NCAM2: variants seen among roughly 807,000 people sequenced by gnomAD.
The protein encoded by NCAM2 is neural cell adhesion molecule 2.
A neutral mutation model predicts 98.1 loss-of-function variants in NCAM2; 30 were observed. That is an observed-to-expected ratio of 0.31 (90% confidence interval 0.23 to 0.41). The LOEUF (loss-of-function observed/expected upper bound fraction) is 0.41, where lower values mean the gene tolerates loss of function less well. Among genes scored for constraint, NCAM2 ranks in the 10% least tolerant of loss-of-function variants. The pLI is 1.00. For missense variants in NCAM2, 867 were observed against 1,005.8 expected (o/e 0.86, Z 1.87); for synonymous variants, 368 against 342.4 (o/e 1.07, Z -0.83).
At chr21:21,416,566 G>T (rs374062443) in intron 10 of NCAM2, among the ~76,000 whole-genome samples, 1 of 151,638 alleles carries the variant, frequency 6.6e-6, no homozygotes, top group East Asian at 1.9e-4. Context: ...AATAAAACAG[G>T]TATGCCTATA....
intron 1 of NCAM2, among the ~76,000 whole-genome samples, chr21:21,251,331 C>A (rs1040561458): frequency 1.3e-5 from 2 of 151,554 alleles, no homozygotes; most frequent in African/African-American, 4.8e-5. Context: ...TTGCCCCCCA[C>A]CCCCTGTGTT....
chr21:21,326,009 G>A (rs2074501395), intron 6 of NCAM2, among the ~76,000 whole-genome samples: 1 of 152,132 alleles, frequency 6.6e-6, no homozygotes, highest in African/African-American at 2.4e-5. Context: ...TAATTTTCCA[G>A]TCATTCATTA....
rs9306010 is a variant in NCAM2, at chr21:21,227,979, G to A, written c.56-52599G>A. On this transcript the variant is annotated intron_variant, in intron 1 of 17. Transcript: ENST00000400546. ...GATTTCATAAAATTTAAAAATTCCT[G>A]TGAGATGAGAAAAATGATAAAAGCT... Among the ~76,000 whole-genome samples, 656 of 151,718 alleles carry A rather than the reference G, an allele frequency of 4.3e-3. 4 individuals are homozygous for A. The highest frequency in any genetic ancestry group is 0.015 in the African/African-American group (642 of 41,482).
intron 8 of NCAM2, among the ~76,000 whole-genome samples, chr21:21,368,686 A>G (rs1171722372): frequency 1.3e-5 from 2 of 151,790 alleles, no homozygotes; most frequent in Non-Finnish European, 2.9e-5. Flanking sequence ...TAATTCTAAT[A>G]ACAAGGGCTT....
rs75138938 is a variant in NCAM2, at chr21:21,507,964, C to T, written c.2078-887C>T. On this transcript the variant is annotated intron_variant, in intron 15 of 17. Transcript: ENST00000400546. ...TTTCTGATCCATATTGTTATAGCTG[C>T]GGAGTCTACCCTCAGATTCTACTAC... 7.7e-3 allele frequency among the ~76,000 whole-genome samples: 1,166 copies of T among 152,154 alleles called. 17 individuals are homozygous for T. The highest frequency in any genetic ancestry group is 0.027 in the African/African-American group (1,118 of 41,518).
At chr21:21,418,821 G>A (rs1246680116) in intron 11 of NCAM2, among the ~76,000 whole-genome samples, 2 of 151,990 alleles carry the variant, frequency 1.3e-5, no homozygotes, top group African/African-American at 4.8e-5. Flanking sequence ...GGTACGGTAG[G>A]GCTATAATAG....
chr21:21,267,920 A>T (rs567543869), intron 1 of NCAM2, among the ~76,000 whole-genome samples: 17 of 152,272 alleles, frequency 1.1e-4, no homozygotes, highest in Middle Eastern at 3.4e-3. Context: ...TTGGTTTAAT[A>T]TACCTTCCTG....
At chr21:21,137,456 T>C (rs748054462) in intron 1 of NCAM2, among the ~76,000 whole-genome samples, 7 of 152,128 alleles carry the variant, frequency 4.6e-5, no homozygotes, top group Non-Finnish European at 8.8e-5. Context: ...ATAAAAAATG[T>C]TGGCCGGGTG....
At chr21:21,165,717 A>G (rs1156402) in intron 1 of NCAM2, among the ~76,000 whole-genome samples, 49,309 of 152,144 alleles carry the variant, frequency 0.32, 9,272 homozygotes, top group Non-Finnish European at 0.44. Context: ...TTATTATAAC[A>G]TTTATATTTT....
intron 1 of NCAM2, among the ~76,000 whole-genome samples, chr21:21,158,098 A>G (rs1261527221): frequency 1.3e-5 from 2 of 152,196 alleles, no homozygotes; most frequent in East Asian, 1.9e-4. Context: ...GAACTGCAGA[A>G]GGCATACGTA....
chr21:21,193,586 C>T (rs2068900269), intron 1 of NCAM2, among the ~76,000 whole-genome samples: 1 of 147,776 alleles, frequency 6.8e-6, no homozygotes, highest in Non-Finnish European at 1.5e-5. Flanking sequence ...ACCTCTGCTT[C>T]CTGGGTTCAA....
At chr21:21,211,717 A>G (rs2069666290) in intron 1 of NCAM2, among the ~76,000 whole-genome samples, 1 of 152,184 alleles carries the variant, frequency 6.6e-6, no homozygotes, top group Admixed American at 6.5e-5. Context: ...TGCTGTGGTC[A>G]CTGCTTCTTT....
intron 1 of NCAM2, among the ~76,000 whole-genome samples, chr21:21,146,561 A>ATATATATAT (rs2067280394): frequency 6.8e-6 from 1 of 147,602 alleles, no homozygotes; most frequent in Admixed American, 6.8e-5. Flanking sequence ...ATATATGTAT[A>ATATATATAT]TATATATATA....
chr21:21,016,360 A>C (rs1487139123), intron 1 of NCAM2, among the ~76,000 whole-genome samples: 1 of 152,306 alleles, frequency 6.6e-6, no homozygotes, highest in African/African-American at 2.4e-5. Flanking sequence ...AACGTTTATA[A>C]AGTTCTTACA....
Position 21,015,028 on chromosome 21 carries a change from C to T in NCAM2, c.55+16410C>T, listed in dbSNP as rs115913357. 4.1e-3 allele frequency among the ~76,000 whole-genome samples: 627 copies of T among 152,238 alleles called. 7 individuals carry two copies. The highest frequency in any genetic ancestry group is 0.015 in the African/African-American group (617 of 41,538). ...TTAGAAGTGGAGCTTGCAGATGGGA[C>T]TGAAATTCTGCAATCTCATGACAAA... On this transcript the variant is annotated intron_variant, in intron 1 of 17. Coordinates refer to ENST00000400546, the MANE Select transcript of NCAM2 (RefSeq NM_004540.5).
intron 1 of NCAM2, among the ~76,000 whole-genome samples, chr21:21,039,061 C>A (rs2064852540): frequency 6.6e-6 from 1 of 152,158 alleles, no homozygotes; most frequent in East Asian, 1.9e-4. Flanking sequence ...AAATATATTT[C>A]TCTCACTTGT....
intron 1 of NCAM2, among the ~76,000 whole-genome samples, chr21:21,198,184 ATGTGTGTGTGTGTG>A (rs10600265): frequency 0.3 from 44,434 of 146,230 alleles, 6,702 homozygotes; most frequent in South Asian, 0.4. Flanking sequence ...TGTAAAGTAT[ATGTGTGTGTGTGTG>A]TGTGTGTGTG....
intron 1 of NCAM2, among the ~76,000 whole-genome samples, chr21:21,062,982 C>G (rs62209024): frequency 0.18 from 26,911 of 151,978 alleles, 2,600 homozygotes; most frequent in Non-Finnish European, 0.19. Context: ...TAATGCAATT[C>G]ATGCTGGATA....
At chr21:21,447,843 G>A (rs1980421745) in intron 12 of NCAM2, among the ~76,000 whole-genome samples, 1 of 152,090 alleles carries the variant, frequency 6.6e-6, no homozygotes, top group Admixed American at 6.6e-5. Flanking sequence ...ACCATAATGA[G>A]ATACCATCTC....
Sources: allele counts gnomAD v4.1 joint callset (sites outside exome capture counted in the v4.1 genomes callset), GRCh38; gene constraint gnomAD v4.1.1; transcripts MANE v1.5; gene names NCBI Gene and HGNC (gene_info 2026-07-23, HGNC 2026-07-21).